Variants in GRM3 observed in about 807,000 individuals in gnomAD.
GRM3 encodes glutamate metabotropic receptor 3, also known as metabotropic glutamate receptor 3.
A neutral mutation model predicts 70.5 loss-of-function variants in GRM3; 26 were observed. That is an observed-to-expected ratio of 0.37 (90% CI 0.27 to 0.51). The LOEUF is 0.51. GRM3 is among the 20% of genes least tolerant of loss of function. The probability of loss-of-function intolerance (pLI) is 0.93; values close to 1 mark genes in which losing one functional copy is unlikely to be tolerated. For synonymous variants in GRM3, 443 were observed against 434.9 expected (o/e 1.02, Z -0.23); for missense variants, 859 against 1,123.8 (o/e 0.76, Z 3.37).
chr7:86,709,830 C>T lies in GRM3; in HGVS notation c.-140-55176C>T, dbSNP rs143959766. ...AACTAAAAAATGTATCAATATATAT[C>T]CTAAGACTTAGTAGATGTAGTGAGA... On this transcript the variant is annotated intron_variant, in intron 1 of 5. Coordinates refer to ENST00000361669, the MANE Select transcript of GRM3 (RefSeq NM_000840.3). Among the ~76,000 whole-genome samples, 214 of 152,088 alleles carry T rather than the reference C, an allele frequency of 1.4e-3. 1 individual carries two copies. The highest frequency in any genetic ancestry group is 0.013 in the Admixed American group (195 of 15,250).
At chr7:86,817,957 C>T (rs1798049040) in intron 3 of GRM3, among the ~76,000 whole-genome samples, 1 of 151,968 alleles carries the variant, frequency 6.6e-6, no homozygotes, top group Non-Finnish European at 1.5e-5. Flanking sequence ...AATACATGCA[C>T]ACACACATGC....
chr7:86,800,008 C>G (rs1367578180), intron 3 of GRM3, among the ~76,000 whole-genome samples: 1 of 152,164 alleles, frequency 6.6e-6, no homozygotes, highest in Non-Finnish European at 1.5e-5. Context: ...CACACAACTA[C>G]ATAGAAATTG....
chr7:86,694,461 G>C (rs1168696855), intron 1 of GRM3, among the ~76,000 whole-genome samples: 1 of 137,790 alleles, frequency 7.3e-6, no homozygotes, highest in African/African-American at 2.7e-5. Flanking sequence ...GCAGTTAGCC[G>C]AGATGGCACC....
At chr7:86,740,279 GAAGT>G (rs1358214903) in intron 1 of GRM3, among the ~76,000 whole-genome samples, 1 of 152,144 alleles carries the variant, frequency 6.6e-6, no homozygotes, top group Non-Finnish European at 1.5e-5. Flanking sequence ...TGAGGAGGAA[GAAGT>G]AAGTGTATCT....
At chr7:86,775,627 T>C (rs1796865894) in intron 2 of GRM3, among the ~76,000 whole-genome samples, 1 of 152,104 alleles carries the variant, frequency 6.6e-6, no homozygotes, top group African/African-American at 2.4e-5. Flanking sequence ...TACTTATAAT[T>C]GTATATAAAA....
At chr7:86,792,285 C>T (rs1027443549) in intron 3 of GRM3, among the ~76,000 whole-genome samples, 1 of 152,152 alleles carries the variant, frequency 6.6e-6, no homozygotes, top group African/African-American at 2.4e-5. Flanking sequence ...TTCAGGATGT[C>T]AGCATTATTA....
intron 4 of GRM3, among the ~76,000 whole-genome samples, chr7:86,845,849 C>T (rs746014380): frequency 2.6e-4 from 40 of 152,182 alleles, no homozygotes; most frequent in Admixed American, 8.5e-4. Context: ...ATTACTGTCA[C>T]TATTGGCTTC....
chr7:86,749,437 C>T (rs894285279), intron 1 of GRM3, among the ~76,000 whole-genome samples: 6 of 152,034 alleles, frequency 3.9e-5, no homozygotes. Flanking sequence ...GTTATTACCC[C>T]ATATGTATGC....
chr7:86,685,336 A>G (rs898875772), intron 1 of GRM3, among the ~76,000 whole-genome samples: 5 of 152,202 alleles, frequency 3.3e-5, no homozygotes, highest in Non-Finnish European at 5.9e-5. Context: ...AGTAAAACTT[A>G]CAGATTGGTT....
At chr7:86,824,553 C>T (rs1406408747) in intron 3 of GRM3, among the ~76,000 whole-genome samples, 1 of 151,976 alleles carries the variant, frequency 6.6e-6, no homozygotes, top group Non-Finnish European at 1.5e-5. Flanking sequence ...GAGTGGGTTT[C>T]AGGAACAAGA....
intron 2 of GRM3, among the ~76,000 whole-genome samples, chr7:86,767,142 G>A (rs990304139): frequency 3.3e-5 from 5 of 151,928 alleles, no homozygotes; most frequent in African/African-American, 1.2e-4. Flanking sequence ...AACCCAGGGG[G>A]CAGAGATTGC....
chr7:86,815,965 T>C (rs1439793729), intron 3 of GRM3, among the ~76,000 whole-genome samples: 23 of 151,938 alleles, frequency 1.5e-4, no homozygotes, highest in Admixed American at 1.5e-3. Flanking sequence ...ATTGCAAATA[T>C]GCTCAGCATT....
At chr7:86,799,927 C>T (rs1456674332) in intron 3 of GRM3, among the ~76,000 whole-genome samples, 1 of 152,112 alleles carries the variant, frequency 6.6e-6, no homozygotes, top group East Asian at 1.9e-4. Context: ...TTTTTGTCTT[C>T]AGTATGCTTA....
At chr7:86,783,993 T>C (rs1435227874) in intron 2 of GRM3, among the ~76,000 whole-genome samples, 9 of 152,170 alleles carry the variant, frequency 5.9e-5, no homozygotes, top group Non-Finnish European at 8.8e-5. Flanking sequence ...GAACATAAAA[T>C]TATTCTTAAA....
chr7:86,855,173 G>T (rs1467264345), intron 5 of GRM3, among the ~76,000 whole-genome samples: 1 of 152,114 alleles, frequency 6.6e-6, no homozygotes, highest in African/African-American at 2.4e-5. Flanking sequence ...TCCCAGAGTT[G>T]GTTCCTAAGG....
rs1047837565 is a variant in GRM3, at chr7:86,754,837, A to G, written c.-140-10169A>G. On this transcript the variant is annotated intron_variant, in intron 1 of 5. Coordinates refer to ENST00000361669, the MANE Select transcript of GRM3 (RefSeq NM_000840.3). ...TGGATTAAGCAGCACGGGTGTCACT[A>G]TATCCCCATTCCTTGGCTCTGCATT... Among the ~76,000 whole-genome samples, 14 of 152,092 alleles carry G rather than the reference A, an allele frequency of 9.2e-5. 1 individual carries two copies. The highest frequency in any genetic ancestry group is 1.0e-4 in the Non-Finnish European group (7 of 68,006).
At chr7:86,793,017 T>TG (rs1491180445) in intron 3 of GRM3, among the ~76,000 whole-genome samples, 2 of 52,160 alleles carry the variant, frequency 3.8e-5, no homozygotes, top group Non-Finnish European at 6.5e-5. Context: ...GTTGGTTGCC[T>TG]TTTTTTTTTT....
At chr7:86,803,844 G>T (rs1268181705) in intron 3 of GRM3, among the ~76,000 whole-genome samples, 2 of 152,120 alleles carry the variant, frequency 1.3e-5, no homozygotes, top group Non-Finnish European at 2.9e-5. Context: ...TAAAGAAATT[G>T]TCAAAAGTTC....
chr7:86,745,609 A>G (rs1287390118), intron 1 of GRM3, among the ~76,000 whole-genome samples: 2 of 152,128 alleles, frequency 1.3e-5, no homozygotes, highest in African/African-American at 4.8e-5. Flanking sequence ...CTTCTCATGA[A>G]GAGCTTAGGA....
Sources: gnomAD v4.1 joint callset for allele counts (sites outside exome capture counted in the v4.1 genomes callset) on GRCh38, gnomAD v4.1.1 for gene constraint, MANE v1.5 for transcripts, NCBI Gene and HGNC (gene_info 2026-07-23, HGNC 2026-07-21) for gene names.